Variants in AP4E1 observed in about 807,000 individuals in gnomAD.
AP4E1 encodes the protein AP-4 complex subunit epsilon-1.
Under a neutral mutation model 128.2 loss-of-function variants are expected in AP4E1, and 56 were observed. The ratio of observed to expected loss-of-function variants is 0.44; its 90% CI spans 0.35 to 0.55. The LOEUF is 0.55. Among genes scored for constraint, AP4E1 ranks in the 20% least tolerant of loss-of-function variants. The pLI is 0.00. For synonymous variants in AP4E1, 484 were observed against 473.1 expected, an observed-to-expected ratio of 1.02 and a Z score of -0.30; for missense variants, 1,324 against 1,307.7, an observed-to-expected ratio of 1.01 and a Z score of -0.19.
At chr15:50,968,466 A>C in intron 15 of AP4E1, 89 bp downstream of exon 15, 2 of 970,566 alleles carry the variant, frequency 2.1e-6, no homozygotes, top group East Asian at 2.7e-5. Flanking sequence ...AAAGATATTT[A>C]CTTTCTATTA....
At chr15:50,945,136 A>T in intron 10 of AP4E1, 1 of 820,638 alleles carries the variant, frequency 1.2e-6, no homozygotes, top group Non-Finnish European at 2.2e-6. Flanking sequence ...AAGACAGTGT[A>T]TACTGGGGTT....
chr15:50,926,262 G>C (rs2063768628), intron 5 of AP4E1, among the ~76,000 whole-genome samples: 1 of 151,584 alleles, frequency 6.6e-6, no homozygotes, highest in African/African-American at 2.4e-5. Context: ...TCAGCCTCCT[G>C]AGTAGCTGGA....
chr15:50,908,014 T>G (rs2063511197), upstream of AP4E1, among the ~76,000 whole-genome samples: 1 of 151,746 alleles, frequency 6.6e-6, no homozygotes, highest in Non-Finnish European at 1.5e-5. Context: ...GCCAGGGGAG[T>G]GGGCTCTAGA....
In AP4E1 at chr15:50,925,714, C is replaced by G. The variant is rs565367678; in HGVS notation, c.542+495C>G. On this transcript the variant is annotated intron_variant, in intron 5 of 20. Coordinates refer to ENST00000261842, the MANE Select transcript of AP4E1 (RefSeq NM_007347.5). ...GCATGAACTTGGCTCACTGCAACCT[C>G]TGCCTCCCGGGTTCAAGCAATTCTC... Among the ~76,000 whole-genome samples, 6 of 150,752 alleles carry G rather than the reference C, an allele frequency of 4.0e-5. No individual in the cohort carries two copies. In the South Asian group the frequency reaches 1.3e-3, roughly 32 times the overall value.
intron 15 of AP4E1, among the ~76,000 whole-genome samples, chr15:50,977,418 A>G (rs954490887): frequency 2.6e-5 from 4 of 152,170 alleles, no homozygotes; most frequent in Non-Finnish European, 1.5e-5. Flanking sequence ...GAACCACATT[A>G]TAAATGGGAT....
At chr15:50,975,979 AG>A (rs2064545403) in intron 15 of AP4E1, among the ~76,000 whole-genome samples, 1 of 152,078 alleles carries the variant, frequency 6.6e-6, no homozygotes, top group Admixed American at 6.6e-5. Flanking sequence ...AGAGAGAGAG[AG>A]AAAGAGAGAG....
chr15:50,927,430 A>C (rs2063781827), intron 5 of AP4E1, among the ~76,000 whole-genome samples: 2 of 152,064 alleles, frequency 1.3e-5, no homozygotes, highest in African/African-American at 4.8e-5. Flanking sequence ...TCAGCATACC[A>C]ACCCCAGAGC....
rs771888001 is a variant in AP4E1, at chr15:51,002,678, A to T, written c.*16A>T. 1 of 1,613,774 alleles carries T rather than the reference A, an allele frequency of 6.2e-7. No individual in the cohort carries two copies. The highest frequency in any genetic ancestry group is 1.7e-5 in the Admixed American group (1 of 59,986). On this transcript the variant is annotated 3_prime_UTR_variant, in exon 21 of 21. Transcript: ENST00000261842. ...GGGATCCTAGCAGAAGCCCTGCTAA[A>T]TTTTACTCCATCAAGATCAATGGTT... is the stretch of plus-strand genomic sequence containing the variant.
chr15:50,949,768 A>C (rs2064118983), intron 11 of AP4E1, 58 bp from the exon 12 acceptor site: 1 of 1,293,938 alleles, frequency 7.7e-7, no homozygotes, highest in Non-Finnish European at 1.1e-6. Flanking sequence ...ATTGCTACAG[A>C]AGGGTAATTT....
At chr15:50,949,201 A>G (rs1417061193) in intron 11 of AP4E1, among the ~76,000 whole-genome samples, 2 of 151,502 alleles carry the variant, frequency 1.3e-5, no homozygotes, top group East Asian at 2.0e-4. Flanking sequence ...GCCTGAGCTC[A>G]GGAGTTCACG....
At chr15:50,920,639 C>T (rs2063690550) in intron 3 of AP4E1, among the ~76,000 whole-genome samples, 1 of 152,134 alleles carries the variant, frequency 6.6e-6, no homozygotes, top group East Asian at 1.9e-4. Flanking sequence ...ACCTCATGAT[C>T]CACCCGCCTT....
chr15:50,934,027 CA>C (rs760623903), intron 7 of AP4E1, among the ~76,000 whole-genome samples: 31 of 152,016 alleles, frequency 2.0e-4, no homozygotes, highest in Non-Finnish European at 4.0e-4. Context: ...GGCACTAATG[CA>C]CTTTTTTTTT....
intron 7 of AP4E1, among the ~76,000 whole-genome samples, chr15:50,933,366 A>G (rs2063860465): frequency 6.6e-6 from 1 of 152,136 alleles, no homozygotes; most frequent in African/African-American, 2.4e-5. Flanking sequence ...AAACCAATTT[A>G]CTGGAAAAGT....
At chr15:50,945,443 A>G (rs1318583129) in intron 10 of AP4E1, 1 of 776,472 alleles carries the variant, frequency 1.3e-6, no homozygotes, top group East Asian at 2.4e-5. Flanking sequence ...AATGAAGACT[A>G]TAACTTACAT....
chr15:50,913,391 T>A (rs1298233526), intron 2 of AP4E1, among the ~76,000 whole-genome samples: 2 of 152,244 alleles, frequency 1.3e-5, no homozygotes, highest in Non-Finnish European at 2.9e-5. Flanking sequence ...ATAATTTTCC[T>A]TGTTCCAAGG....
chr15:50,917,174 A>G (rs549668846), intron 3 of AP4E1, among the ~76,000 whole-genome samples: 56 of 152,338 alleles, frequency 3.7e-4, no homozygotes, highest in African/African-American at 1.3e-3. Context: ...GGAAAACATC[A>G]AAAAGGAAAT....
intron 13 of AP4E1, among the ~76,000 whole-genome samples, chr15:50,951,914 A>G (rs2064156199): frequency 6.6e-6 from 1 of 151,820 alleles, no homozygotes; most frequent in South Asian, 2.1e-4. Flanking sequence ...TTTAGCAGAG[A>G]TGGGGTTTTG....
At chr15:50,981,493 G>A (rs1335505916) in intron 15 of AP4E1, among the ~76,000 whole-genome samples, 1 of 152,160 alleles carries the variant, frequency 6.6e-6, no homozygotes, top group African/African-American at 2.4e-5. Flanking sequence ...AGAGAAATTT[G>A]CTTTTAGTCT....
rs115242022 is a variant in AP4E1 at position 50,966,995 on chromosome 15, C to T, written c.1852-1268C>T. Among the ~76,000 whole-genome samples the T allele has an allele frequency of 2.0e-3, 300 of 152,344 alleles. 2 individuals are homozygous for T. Among genetic ancestry groups the T allele is most frequent in the African/African-American group, 7.0e-3 (291 of 41,586 alleles). ...TGGTTTCTGAGGTCATCACTGCTCTCTCCACTTGTTTATCTATCATTTTTG... is the reference window on the plus strand; with the variant it reads ...TGGTTTCTGAGGTCATCACTGCTCTTTCCACTTGTTTATCTATCATTTTTG... On this transcript the variant is annotated intron_variant, in intron 14 of 20. Coordinates refer to ENST00000261842, the MANE Select transcript of AP4E1 (RefSeq NM_007347.5).
Sources: gnomAD v4.1 joint callset for allele counts (sites outside exome capture counted in the v4.1 genomes callset) on GRCh38, gnomAD v4.1.1 for gene constraint, MANE v1.5 for transcripts, NCBI Gene and HGNC (gene_info 2026-07-23, HGNC 2026-07-21) for gene names.